Variants in FRAS1 observed in about 807,000 individuals in gnomAD.
FRAS1 encodes the protein extracellular matrix organizing protein FRAS1.
In FRAS1, 290 loss-of-function variants were observed where a neutral mutation model predicts 435.2. The ratio of observed to expected loss-of-function variants is 0.67; its 90% confidence interval spans 0.61 to 0.73. The LOEUF (loss-of-function observed/expected upper bound fraction) is 0.73, where lower values mean the gene tolerates loss of function less well. FRAS1 is among the 30% of genes least tolerant of loss of function. The pLI, the probability that FRAS1 is intolerant of heterozygous loss-of-function variation, is 0.00. For synonymous variants in FRAS1, 1,800 were observed against 1,851.0 expected (o/e 0.97, Z 0.71); for missense variants, 4,860 against 5,001.5 (o/e 0.97, Z 0.85).
intron 67 of FRAS1, among the ~76,000 whole-genome samples, chr4:78,521,080 C>G (rs917094631): frequency 2.6e-5 from 4 of 152,138 alleles, no homozygotes; most frequent in African/African-American, 9.7e-5. Flanking sequence ...GGCTTTAATT[C>G]TCCTTTGGTT....
chr4:78,383,931 G>C, intron 27 of FRAS1, 128 bp from the exon 28 acceptor site: 1 of 644,686 alleles, frequency 1.6e-6, no homozygotes, highest in Non-Finnish European at 2.7e-6. Context: ...GTATGAGTGT[G>C]ACATTACTGC....
intron 2 of FRAS1, among the ~76,000 whole-genome samples, chr4:78,132,457 T>C (rs568117190): frequency 9.2e-5 from 14 of 152,332 alleles, no homozygotes; most frequent in Admixed American, 2.6e-4. Context: ...CATAAGCCCA[T>C]AGTGAATAGT....
chr4:78,343,918 A>G (rs1215746026), intron 20 of FRAS1, among the ~76,000 whole-genome samples: 2 of 152,168 alleles, frequency 1.3e-5, no homozygotes, highest in Admixed American at 6.5e-5. Flanking sequence ...ACCGCCCTAT[A>G]TCTTGCTGTG....
chr4:78,443,933 C>T (rs1223413711), intron 41 of FRAS1, among the ~76,000 whole-genome samples: 2 of 152,154 alleles, frequency 1.3e-5, no homozygotes, highest in Non-Finnish European at 2.9e-5. Flanking sequence ...ACTGTAGCCT[C>T]GACCTCCCAG....
chr4:78,315,295 C>A (rs577686552), intron 15 of FRAS1, among the ~76,000 whole-genome samples: 21 of 152,230 alleles, frequency 1.4e-4, no homozygotes, highest in Non-Finnish European at 2.2e-4. Context: ...ACCTGGCAAC[C>A]GCACCTCTAA....
In FRAS1 at chr4:78,117,385, C is replaced by T. The variant is rs747251705; in HGVS notation, c.108+51369C>T. On this transcript the variant is annotated intron_variant, in intron 2 of 73. Coordinates refer to ENST00000512123, the MANE Select transcript of FRAS1 (RefSeq NM_025074.7). ...TACATTTGAATGTTGGCCTGCCTTG[C>T]TAGATTGGGTAAGTTCTCTTGGATA... 4.6e-5 allele frequency among the ~76,000 whole-genome samples: 7 copies of T among 152,294 alleles called. No individual in the cohort carries two copies. In the East Asian group the frequency reaches 5.8e-4, roughly 13 times the overall value.
chr4:78,178,496 C>A (rs948384827), intron 2 of FRAS1, among the ~76,000 whole-genome samples: 15 of 152,130 alleles, frequency 9.9e-5, no homozygotes, highest in Non-Finnish European at 2.1e-4. Context: ...CAGGGTATAA[C>A]CAACAAGTAT....
chr4:78,257,097 A>G (rs1725831984), intron 6 of FRAS1, among the ~76,000 whole-genome samples: 2 of 152,180 alleles, frequency 1.3e-5, no homozygotes, highest in Admixed American at 6.5e-5. Context: ...AAATTCTTAT[A>G]ACAGTCCTAC....
At position 78,308,171 on chromosome 4, in the gene FRAS1, G is replaced by C; in HGVS notation, c.1640G>C (p.Cys547Ser). 6.2e-7 allele frequency: 1 copy of C among 1,613,994 alleles called. No individual in the cohort carries two copies. The highest frequency in any genetic ancestry group is 8.5e-7 in the Non-Finnish European group (1 of 1,179,894). ...AGAGATGGCGGCTGTGAGAGCAGCT[G>C]TGGAAAAGGCTTCTACAACAGGCAG... ...VLRDGGCESS[C>S]GKGFYNRQGT... The change falls in exon 15 of 74, where the codon TGT (cysteine) becomes TCT (serine). Residue 547 changes from cysteine to serine, a missense_variant. Cys to Ser is a moderately radical substitution (Grantham distance 112). Transcript: ENST00000512123.
intron 18 of FRAS1, among the ~76,000 whole-genome samples, chr4:78,322,510 G>GACTACAGCACAGAGTGATTAGAATA (rs1272574410): frequency 2.0e-5 from 3 of 150,248 alleles, no homozygotes; most frequent in Non-Finnish European, 4.4e-5. Flanking sequence ...CTTTCTTTGA[G>GACTACAGCACAGAGTGATTAGAATA]ACTACAGCAC....
rs547732939 is a variant in FRAS1, at chr4:78,146,522, A to G, written c.108+80506A>G. 4.1e-3 allele frequency among the ~76,000 whole-genome samples: 622 copies of G among 152,198 alleles called. 5 individuals are homozygous for G. Among genetic ancestry groups the G allele is most frequent in the African/African-American group, 0.014 (587 of 41,542 alleles). ...TTTATTATAGAAAATTATACCCCAA[A>G]ACATAGCGAGAATAGTACAGTGAAC... On this transcript the variant is annotated intron_variant, in intron 2 of 73. Coordinates refer to ENST00000512123, the MANE Select transcript of FRAS1 (RefSeq NM_025074.7).
At chr4:78,166,472 A>C (rs1355417457) in intron 2 of FRAS1, among the ~76,000 whole-genome samples, 1 of 152,206 alleles carries the variant, frequency 6.6e-6, no homozygotes, top group Non-Finnish European at 1.5e-5. Context: ...GAAGACAGAA[A>C]AAGTTATTTT....
chr4:78,070,329 G>A (rs566891611), intron 2 of FRAS1: 6 of 151,706 alleles, frequency 4.0e-5, no homozygotes, highest in Non-Finnish European at 8.8e-5. Context: ...CAGCTGTTTG[G>A]ACTTGCAGTG....
intron 2 of FRAS1, among the ~76,000 whole-genome samples, chr4:78,124,373 G>A (rs973095826): frequency 6.6e-6 from 1 of 152,164 alleles, no homozygotes; most frequent in Non-Finnish European, 1.5e-5. Flanking sequence ...GATTCAGTTT[G>A]CCAGTATTTT....
At position 78,466,411 on chromosome 4, in the gene FRAS1, TATCATTGAGG is replaced by T. The variant is rs1236626284; in HGVS notation, c.7235_7244del (p.Ile2412LysfsTer7). 1 of 1,613,562 alleles carries T rather than the reference TATCATTGAGG, an allele frequency of 6.2e-7. No homozygotes were observed. The highest frequency in any genetic ancestry group is 1.7e-5 in the Admixed American group (1 of 59,998). ...TTTCTGATGGGACAAACCCCTTCTT[TATCATTGAGG>T]AAGGGGGAAAAGAGGTGAGGGGTGA... On this transcript the variant is annotated frameshift_variant, in exon 50 of 74. Coordinates refer to ENST00000512123, the MANE Select transcript of FRAS1 (RefSeq NM_025074.7). LOFTEE classifies it high-confidence loss of function.
In FRAS1 at chr4:78,086,688, A is replaced by C. The variant is rs1238261400; in HGVS notation, c.108+20672A>C. ...CTAGAAAATCTAGAAGAAATGGATA[A>C]ATTCCTGGACACATACACCCTCCCA... On this transcript the variant is annotated intron_variant, in intron 2 of 73. Coordinates refer to ENST00000512123, the MANE Select transcript of FRAS1 (RefSeq NM_025074.7). Among the ~76,000 whole-genome samples, 3 of 152,196 alleles carry C rather than the reference A, an allele frequency of 2.0e-5. 1 individual carries two copies. Among genetic ancestry groups the C allele is most frequent in the Non-Finnish European group, 4.4e-5 (3 of 68,022 alleles).
chr4:78,105,748 A>G (rs1427498741), intron 2 of FRAS1, among the ~76,000 whole-genome samples: 1 of 152,070 alleles, frequency 6.6e-6, no homozygotes, highest in Non-Finnish European at 1.5e-5. Flanking sequence ...GGAGGAGCCA[A>G]GATGGCCGAA....
At chr4:78,472,817 C>T (rs1173448579) in intron 52 of FRAS1, among the ~76,000 whole-genome samples, 2 of 152,112 alleles carry the variant, frequency 1.3e-5, no homozygotes, top group African/African-American at 4.8e-5. Context: ...TCAAGCAGGC[C>T]ATGTTAAGCT....
chr4:78,134,904 A>T (rs2109988713), intron 2 of FRAS1, among the ~76,000 whole-genome samples: 1 of 152,240 alleles, frequency 6.6e-6, no homozygotes, highest in Non-Finnish European at 1.5e-5. Flanking sequence ...TGAGATTTGA[A>T]CCCTCATGCC....
Sources: gnomAD v4.1 joint callset for allele counts (sites outside exome capture counted in the v4.1 genomes callset) on GRCh38, gnomAD v4.1.1 for gene constraint, MANE v1.5 for transcripts, NCBI Gene and HGNC (gene_info 2026-07-23, HGNC 2026-07-21) for gene names.